The following RBFOX3 variants were observed in gnomAD, a reference collection of about 807,000 sequenced individuals.
RBFOX3 encodes the protein RNA binding protein fox-1 homolog 3.
Under a neutral mutation model 48.7 loss-of-function variants are expected in RBFOX3, and 17 were observed. That is an observed-to-expected ratio of 0.35 (90% CI 0.24 to 0.52). The LOEUF is 0.52. Ranked by LOEUF, RBFOX3 falls within the 20% of genes least tolerant of loss-of-function variation. RBFOX3 has a pLI of 0.94. For synonymous variants in RBFOX3, 212 were observed against 209.5 expected, an observed-to-expected ratio of 1.01 and a Z score of -0.10; for missense variants, 382 against 497.5, an observed-to-expected ratio of 0.77 and a Z score of 2.21.
the RBFOX3 span, among the ~76,000 whole-genome samples, chr17:79,635,671 T>TA: frequency 6.6e-6 from 1 of 152,040 alleles, no homozygotes; most frequent in Non-Finnish European, 1.5e-5. Context: ...TATTACACAG[T>TA]GGGGGAGAGA....
intron 4 of RBFOX3, among the ~76,000 whole-genome samples, chr17:79,187,243 A>G (rs1177237604): frequency 6.6e-6 from 1 of 152,174 alleles, no homozygotes; most frequent in Non-Finnish European, 1.5e-5. Flanking sequence ...AGTAGAAAGG[A>G]AGCAACTCCA....
intron 2 of RBFOX3, among the ~76,000 whole-genome samples, chr17:79,407,059 G>C (rs1336012691): frequency 6.6e-6 from 1 of 152,226 alleles, no homozygotes; most frequent in African/African-American, 2.4e-5. Context: ...GCCCAGGCTG[G>C]AGTGCCATGG....
Position 79,089,445 on chromosome 17 carries a change from C to G in RBFOX3, c.*1438G>C, listed in dbSNP as rs1053571112. On this transcript the variant is annotated 3_prime_UTR_variant, in exon 15 of 15. Transcript: ENST00000693108. ...ATACAGAATGGTAAGAAAGGAAGCC[C>G]GGGGCTCGGCTGCAGTCCTGGGGAT... 6.6e-6 allele frequency: 1 copy of G among 152,636 alleles called. No homozygotes were observed. The allele number at this position is 152,636 out of a possible 1,614,324, so 9.5% of individuals were successfully genotyped here.
At chr17:79,478,099 G>A (rs887175212) in intron 2 of RBFOX3, among the ~76,000 whole-genome samples, 27 of 152,294 alleles carry the variant, frequency 1.8e-4, no homozygotes, top group South Asian at 1.0e-3. Flanking sequence ...GAAGCCCCAC[G>A]CACGTTCCCA....
At chr17:79,276,795 C>T (rs893300490) in intron 3 of RBFOX3, among the ~76,000 whole-genome samples, 5 of 152,210 alleles carry the variant, frequency 3.3e-5, no homozygotes, top group South Asian at 4.1e-4. Context: ...CAGCAGTCCA[C>T]GTGCATTGAT....
At chr17:79,483,081 C>T (rs2149497195) in intron 1 of RBFOX3, among the ~76,000 whole-genome samples, 1 of 152,246 alleles carries the variant, frequency 6.6e-6, no homozygotes, top group South Asian at 2.1e-4. Context: ...CTGTCCTGAT[C>T]TGGTGACACA....
At chr17:79,476,486 C>G (rs1457855861) in intron 2 of RBFOX3, among the ~76,000 whole-genome samples, 1 of 152,224 alleles carries the variant, frequency 6.6e-6, no homozygotes, top group African/African-American at 2.4e-5. Flanking sequence ...CAAAATATCA[C>G]AAATGCCACT....
rs114369194 is a variant in RBFOX3, at chr17:79,440,969, C to T, written c.-175+41485G>A. Among the ~76,000 whole-genome samples the T allele has an allele frequency of 9.4e-3, 1,437 of 152,348 alleles. 26 individuals are homozygous for T. The highest frequency in any genetic ancestry group is 0.033 in the African/African-American group (1,362 of 41,586). On this transcript the variant is annotated intron_variant, in intron 2 of 14. Transcript: ENST00000693108. ...CCAGATCAGAGACATGCATAGTTGC[C>T]GCACAGGCTGGAAATGTCCCGCCAG... is the stretch of plus-strand genomic sequence containing the variant.
chr17:79,400,785 C>T (rs559276816), intron 2 of RBFOX3, among the ~76,000 whole-genome samples: 126 of 152,328 alleles, frequency 8.3e-4, no homozygotes, highest in African/African-American at 2.9e-3. Context: ...CTGTTGGCCC[C>T]GTCACTGCCC....
chr17:79,315,089 G>A (rs956854683), intron 2 of RBFOX3, among the ~76,000 whole-genome samples: 12 of 152,150 alleles, frequency 7.9e-5, no homozygotes, highest in African/African-American at 2.4e-4. Flanking sequence ...TTATACATGC[G>A]TGACACAAAG....
intron 4 of RBFOX3, among the ~76,000 whole-genome samples, chr17:79,194,110 A>C (rs370172748): frequency 6.6e-6 from 1 of 152,132 alleles, no homozygotes; most frequent in Non-Finnish European, 1.5e-5. Context: ...AACAGAGATG[A>C]TTTTATCATG....
chr17:79,541,439 T>C (rs73426828), intron 1 of RBFOX3, among the ~76,000 whole-genome samples: 1 of 152,322 alleles, frequency 6.6e-6, no homozygotes, highest in African/African-American at 2.4e-5. Context: ...AAGCTTACAA[T>C]GTACCACCAT....
At chr17:79,566,372 C>A (rs1319589882) in intron 1 of RBFOX3, among the ~76,000 whole-genome samples, 1 of 152,214 alleles carries the variant, frequency 6.6e-6, no homozygotes, top group Non-Finnish European at 1.5e-5. Flanking sequence ...TCCTCAGTAG[C>A]TCCGTCCTTC....
chr17:79,117,558 G>T (rs117117642), intron 4 of RBFOX3, among the ~76,000 whole-genome samples: 2,601 of 152,292 alleles, frequency 0.017, 32 homozygotes, highest in Non-Finnish European at 0.027. Flanking sequence ...CCCCTCTGCC[G>T]GGCTCCTGTG....
chr17:79,297,050 C>T (rs927445503), intron 3 of RBFOX3, among the ~76,000 whole-genome samples: 12 of 151,384 alleles, frequency 7.9e-5, no homozygotes, highest in African/African-American at 2.9e-4. Context: ...CTTTTTCCTC[C>T]TGATCTTGGC....
At chr17:79,368,051 G>T (rs2058031552) in intron 2 of RBFOX3, among the ~76,000 whole-genome samples, 1 of 152,200 alleles carries the variant, frequency 6.6e-6, no homozygotes, top group African/African-American at 2.4e-5. Flanking sequence ...AGTCCCAATG[G>T]GATTTGCTTT....
At chr17:79,274,215 T>C (rs1328020652) in intron 3 of RBFOX3, among the ~76,000 whole-genome samples, 1 of 152,168 alleles carries the variant, frequency 6.6e-6, no homozygotes, top group East Asian at 1.9e-4. Flanking sequence ...TGCTCCTGCC[T>C]TTTGGCTGGA....
At chr17:79,534,965 GC>G (rs1192274915) in intron 1 of RBFOX3, among the ~76,000 whole-genome samples, 1 of 152,144 alleles carries the variant, frequency 6.6e-6, no homozygotes, top group Admixed American at 6.5e-5. Context: ...CTGGGGGACT[GC>G]CATGTGGGCA....
At chr17:79,558,414 G>C (rs1197005394) in intron 1 of RBFOX3, among the ~76,000 whole-genome samples, 3 of 152,224 alleles carry the variant, frequency 2.0e-5, no homozygotes, top group Admixed American at 6.5e-5. Flanking sequence ...GGGTCCAGGC[G>C]CAGAGACCGG....
Sources: allele counts gnomAD v4.1 joint callset (sites outside exome capture counted in the v4.1 genomes callset), GRCh38; gene constraint gnomAD v4.1.1; transcripts MANE v1.5; gene names NCBI Gene and HGNC (gene_info 2026-07-23, HGNC 2026-07-21).